PCED1B: variants seen among roughly 807,000 people sequenced by gnomAD.
PCED1B encodes the protein PC-esterase domain-containing protein 1B.
For missense variants in PCED1B, 573 were observed against 573.9 expected (o/e 1.00, Z 0.02); for synonymous variants, 251 against 246.1 (o/e 1.02, Z -0.19).
At chr12:47,117,875 T>A (rs989369857) in intron 2 of PCED1B, among the ~76,000 whole-genome samples, 9 of 152,246 alleles carry the variant, frequency 5.9e-5, no homozygotes, top group African/African-American at 2.2e-4. Flanking sequence ...TCCTGACTTT[T>A]TAATGATCAC....
At chr12:47,164,844 C>T (rs1018844368) in intron 2 of PCED1B, among the ~76,000 whole-genome samples, 7 of 152,242 alleles carry the variant, frequency 4.6e-5, no homozygotes, top group African/African-American at 1.7e-4. Flanking sequence ...TTTGAAGCAG[C>T]AGCCCAAGCT....
chr12:47,171,788 G>A (rs921105787), intron 2 of PCED1B, among the ~76,000 whole-genome samples: 9 of 141,214 alleles, frequency 6.4e-5, no homozygotes, highest in East Asian at 2.7e-4. Flanking sequence ...TCAGTCTAAC[G>A]TTTCTTCTTC....
At chr12:47,157,564 G>T (rs551240707) in intron 2 of PCED1B, among the ~76,000 whole-genome samples, 2 of 152,114 alleles carry the variant, frequency 1.3e-5, no homozygotes, top group Admixed American at 6.6e-5. Flanking sequence ...ACAGAGCAAG[G>T]CCCTGTCTCT....
At chr12:47,131,575 G>A (rs1053600951) in intron 2 of PCED1B, among the ~76,000 whole-genome samples, 4 of 152,014 alleles carry the variant, frequency 2.6e-5, no homozygotes, top group African/African-American at 9.7e-5. Context: ...GAGAAAGGTT[G>A]GAAGGAGCAA....
intron 2 of PCED1B, among the ~76,000 whole-genome samples, chr12:47,171,257 G>A (rs1941724799): frequency 6.6e-6 from 1 of 151,884 alleles, no homozygotes; most frequent in Non-Finnish European, 1.5e-5. Flanking sequence ...AGTAGAGATG[G>A]GGTTTCTCCA....
chr12:47,216,428 T>C lies in PCED1B; in HGVS notation c.-319T>C, dbSNP rs1943263151. On this transcript the variant is annotated 5_prime_UTR_variant, in exon 3 of 4. Coordinates refer to ENST00000546455, the MANE Select transcript of PCED1B (RefSeq NM_138371.3). ...TGTCAAAGTCTTGAAGCTTCGGTCA[T>C]TAGTCTTCCGCTTCCTAAAGCAAGA... 6.6e-6 allele frequency: 1 copy of C among 152,234 alleles called. No homozygotes were observed. The highest frequency in any genetic ancestry group is 6.5e-5 in the Admixed American group (1 of 15,284). 9.4% of individuals were successfully genotyped at this position (152,234 alleles called of 1,614,324 possible).
At chr12:47,232,450 G>A (rs1943837404) in intron 3 of PCED1B, among the ~76,000 whole-genome samples, 1 of 152,026 alleles carries the variant, frequency 6.6e-6, no homozygotes, top group Non-Finnish European at 1.5e-5. Context: ...AGGATATATA[G>A]CTTTTAAAAC....
At chr12:47,176,261 G>A (rs141469591) in intron 2 of PCED1B, among the ~76,000 whole-genome samples, 1 of 152,230 alleles carries the variant, frequency 6.6e-6, no homozygotes, top group Non-Finnish European at 1.5e-5. Context: ...AGAGGTGCTA[G>A]GTGCATCTTT....
chr12:47,083,399 T>G (rs1334227631), intron 1 of PCED1B, among the ~76,000 whole-genome samples: 1 of 152,082 alleles, frequency 6.6e-6, no homozygotes, highest in Non-Finnish European at 1.5e-5. Context: ...GGTCACTGAT[T>G]GCTGCATGCA....
chr12:47,231,347 G>C (rs1006462871), intron 3 of PCED1B, among the ~76,000 whole-genome samples: 2 of 152,182 alleles, frequency 1.3e-5, no homozygotes, highest in Non-Finnish European at 2.9e-5. Flanking sequence ...ACAGGACAAA[G>C]GGGTATAAGC....
At chr12:47,089,460 ACAT>A (rs1938151848) in intron 1 of PCED1B, among the ~76,000 whole-genome samples, 9 of 70,288 alleles carry the variant, frequency 1.3e-4, no homozygotes, top group African/African-American at 6.6e-4. Context: ...AAAAAAAAAT[ACAT>A]ATATATATAT....
chr12:47,224,263 G>GT (rs1374111464), intron 3 of PCED1B, among the ~76,000 whole-genome samples: 1 of 152,176 alleles, frequency 6.6e-6, no homozygotes, highest in Non-Finnish European at 1.5e-5. Flanking sequence ...ATGGTCCATA[G>GT]TTTTATCTTT....
intron 1 of PCED1B, among the ~76,000 whole-genome samples, chr12:47,100,797 G>A (rs1369915465): frequency 6.6e-6 from 1 of 152,214 alleles, no homozygotes; most frequent in African/African-American, 2.4e-5. Context: ...GCCAGGCATG[G>A]TGGCTTATGG....
intron 3 of PCED1B, among the ~76,000 whole-genome samples, chr12:47,217,472 G>GAAAGAAAGAAAGAAAT (rs1943313521): frequency 4.0e-5 from 2 of 49,650 alleles, no homozygotes; most frequent in Non-Finnish European, 7.9e-5. Flanking sequence ...GAAAGAAAGA[G>GAAAGAAAGAAAGAAAT]AAAGAAAGAA....
At chr12:47,172,820 TG>T (rs1331190138) in intron 2 of PCED1B, among the ~76,000 whole-genome samples, 1 of 152,226 alleles carries the variant, frequency 6.6e-6, no homozygotes, top group East Asian at 1.9e-4. Flanking sequence ...CCTGAGATCC[TG>T]CTCAGATCAG....
chr12:47,082,323 C>G (rs1176847850), intron 1 of PCED1B, among the ~76,000 whole-genome samples: 2 of 152,084 alleles, frequency 1.3e-5, no homozygotes, highest in Admixed American at 6.5e-5. Flanking sequence ...GTTAAGATAA[C>G]GGTTTACCCC....
chr12:47,202,038 G>T (rs1942779877), intron 2 of PCED1B, among the ~76,000 whole-genome samples: 1 of 152,192 alleles, frequency 6.6e-6, no homozygotes, highest in Non-Finnish European at 1.5e-5. Flanking sequence ...ATATTAGTTA[G>T]TATATTGATG....
Position 47,235,750 on chromosome 12 carries a change from G to GGTGCACTGGAATGGACGT in PCED1B, c.694_711dup (p.Trp232_His237dup). ...CGAGGGAGAACCTGCACTGGGACGG[G>GGTGCACTGGAATGGACGT]GTGCACTGGAATGGACGTGTGCACC... On this transcript the variant is annotated inframe_insertion, in exon 4 of 4. Coordinates refer to ENST00000546455, the MANE Select transcript of PCED1B (RefSeq NM_138371.3). 2 of 1,602,378 alleles carry GGTGCACTGGAATGGACGT rather than the reference G, an allele frequency of 1.2e-6. No individual in the cohort carries two copies. Among genetic ancestry groups the GGTGCACTGGAATGGACGT allele is most frequent in the Non-Finnish European group, 1.7e-6 (2 of 1,174,726 alleles).
intron 2 of PCED1B, among the ~76,000 whole-genome samples, chr12:47,127,642 G>A (rs534830526): frequency 5.8e-4 from 88 of 152,026 alleles, no homozygotes; most frequent in African/African-American, 2.1e-3. Context: ...AGGATTACAG[G>A]TGTGAGCCAC....
Sources: allele counts gnomAD v4.1 joint callset (sites outside exome capture counted in the v4.1 genomes callset), GRCh38; gene constraint gnomAD v4.1.1; transcripts MANE v1.5; gene names NCBI Gene and HGNC (gene_info 2026-07-23, HGNC 2026-07-21).